HMGA2: variants seen among roughly 807,000 people sequenced by gnomAD.
HMGA2 encodes high mobility group protein HMGI-C.
HMGA2 carries 8 observed loss-of-function variants against 19.1 expected under a neutral mutation model. That is an observed-to-expected ratio of 0.42 (90% CI 0.25 to 0.76). The LOEUF is 0.76. Ranked by LOEUF, HMGA2 falls within the 30% of genes least tolerant of loss-of-function variation. The pLI is 0.28. For synonymous variants in HMGA2, 60 were observed against 48.8 expected, an observed-to-expected ratio of 1.23 and a Z score of -0.96; for missense variants, 109 against 136.3, an observed-to-expected ratio of 0.80 and a Z score of 1.00.
chr12:65,897,532 T>C (rs113059846), intron 3 of HMGA2, among the ~76,000 whole-genome samples: 88 of 152,288 alleles, frequency 5.8e-4, no homozygotes, highest in African/African-American at 1.7e-3. Flanking sequence ...TACTGGGGCT[T>C]AGGCAAAAGG....
At chr12:65,872,841 T>C (rs984270058) in intron 3 of HMGA2, among the ~76,000 whole-genome samples, 4 of 152,226 alleles carry the variant, frequency 2.6e-5, no homozygotes, top group Non-Finnish European at 5.9e-5. Context: ...CCCAAGGAAG[T>C]CTGAACTTCT....
At chr12:65,922,999 T>A (rs1456981806) in intron 3 of HMGA2, among the ~76,000 whole-genome samples, 1 of 152,160 alleles carries the variant, frequency 6.6e-6, no homozygotes, top group African/African-American at 2.4e-5. Context: ...TAAGTCCAAC[T>A]AAACATTTTT....
At position 65,948,746 on chromosome 12, in the gene HMGA2, G is replaced by A. The variant is rs769173506; in HGVS notation, c.250-2637G>A. 3.7e-4 allele frequency among the ~76,000 whole-genome samples: 56 copies of A among 152,264 alleles called. No homozygotes were observed. In the Middle Eastern group the frequency reaches 0.01, roughly 28 times the overall value. ...GTAGCTGGTAGAAGTTCCGTGACACGGACTAGGCCGGGAGCCAGGGCTGGC... is the reference window on the plus strand; with the variant it reads ...GTAGCTGGTAGAAGTTCCGTGACACAGACTAGGCCGGGAGCCAGGGCTGGC... On this transcript the variant is annotated intron_variant, in intron 3 of 4. Coordinates refer to ENST00000403681, the MANE Select transcript of HMGA2 (RefSeq NM_003483.6).
chr12:65,952,659 C>T (rs1876497034), intron 4 of HMGA2: 1 of 436,646 alleles, frequency 2.3e-6, no homozygotes, highest in Admixed American at 4.2e-5. Flanking sequence ...AAAAACTTGA[C>T]ATTTTCATTA....
At chr12:65,961,660 C>T (rs954055112) in intron 4 of HMGA2, among the ~76,000 whole-genome samples, 4 of 151,982 alleles carry the variant, frequency 2.6e-5, no homozygotes, top group Admixed American at 6.6e-5. Context: ...GCTCAGTCTT[C>T]GGGGGGAAAG....
chr12:65,906,212 G>A (rs1193371002), intron 3 of HMGA2, among the ~76,000 whole-genome samples: 2 of 152,156 alleles, frequency 1.3e-5, no homozygotes, highest in East Asian at 3.8e-4. Context: ...ACATCAGCCT[G>A]CAGCTAAACT....
chr12:65,964,151 T>C lies in HMGA2; in HGVS notation c.*859T>C, dbSNP rs1178386942. The stretch of plus-strand genomic sequence containing the variant: ...TCAGCCTCAGAGCATTTAAGGAAAC[T>C]AGACAAGTAAAATTATCCTCTTTGT... On this transcript the variant is annotated 3_prime_UTR_variant, in exon 5 of 5. Coordinates refer to ENST00000403681, the MANE Select transcript of HMGA2 (RefSeq NM_003483.6). The C allele has an allele frequency of 9.8e-6, 2 of 204,336 alleles. No homozygotes were observed. Among genetic ancestry groups the C allele is most frequent in the Non-Finnish European group, 2.0e-5 (2 of 100,050 alleles). 12.7% of individuals were successfully genotyped at this position (204,336 alleles called of 1,614,324 possible).
intron 3 of HMGA2, among the ~76,000 whole-genome samples, chr12:65,864,437 A>G (rs775700534): frequency 6.6e-6 from 1 of 152,204 alleles, no homozygotes; most frequent in Non-Finnish European, 1.5e-5. Context: ...GAGCATTAGG[A>G]AAATAATAGT....
intron 3 of HMGA2, among the ~76,000 whole-genome samples, chr12:65,890,780 A>G (rs903038095): frequency 3.3e-5 from 5 of 150,356 alleles, no homozygotes; most frequent in African/African-American, 1.2e-4. Flanking sequence ...GCTGAAGTGC[A>G]GGGGCGCGAT....
At position 65,824,727 on chromosome 12, in the gene HMGA2, C is replaced by CTCTCTCTG. The variant is rs1565697508; in HGVS notation, c.-537_-536insGTCTCTCT. 1.2e-5 allele frequency: 2 copies of CTCTCTCTG among 172,288 alleles called. No homozygotes were observed. Among genetic ancestry groups the CTCTCTCTG allele is most frequent in the African/African-American group, 6.9e-5 (2 of 29,148 alleles). 10.7% of individuals were successfully genotyped at this position (172,288 alleles called of 1,614,324 possible). ...ATCTCAATCTCTTCTCTCTCTCTCT[C>CTCTCTCTG]TCTCTCTCTCTCTCTCTCTCTCTCT... is the stretch of plus-strand genomic sequence containing the variant. On this transcript the variant is annotated 5_prime_UTR_variant, in exon 1 of 5. Transcript: ENST00000403681.
At chr12:65,827,567 T>A (rs1175148507) in intron 1 of HMGA2, among the ~76,000 whole-genome samples, 3 of 152,220 alleles carry the variant, frequency 2.0e-5, no homozygotes, top group African/African-American at 7.2e-5. Flanking sequence ...ATATGGAAGA[T>A]TGTTGAAATA....
At chr12:65,888,887 A>G (rs1425133226) in intron 3 of HMGA2, among the ~76,000 whole-genome samples, 1 of 151,832 alleles carries the variant, frequency 6.6e-6, no homozygotes, top group Non-Finnish European at 1.5e-5. Flanking sequence ...CTCTTATGAC[A>G]ATGATGACAT....
chr12:65,881,900 G>A (rs1238445174), intron 3 of HMGA2: 17 of 702,260 alleles, frequency 2.4e-5, no homozygotes, highest in East Asian at 1.1e-4. Flanking sequence ...GGTAGGTCCC[G>A]GAGTATGTTT....
chr12:65,942,432 T>C (rs1876120453), intron 3 of HMGA2, among the ~76,000 whole-genome samples: 2 of 152,184 alleles, frequency 1.3e-5, no homozygotes, highest in African/African-American at 2.4e-5. Flanking sequence ...TGTGTATACA[T>C]ATATATGTAT....
intron 3 of HMGA2, among the ~76,000 whole-genome samples, chr12:65,946,088 T>C (rs1196955126): frequency 1.3e-5 from 2 of 152,202 alleles, no homozygotes; most frequent in East Asian, 3.8e-4. Flanking sequence ...TTGTGAGGTG[T>C]GAAAGGCCCC....
At chr12:65,861,649 A>G (rs1391336592) in intron 3 of HMGA2, among the ~76,000 whole-genome samples, 2 of 150,278 alleles carry the variant, frequency 1.3e-5, no homozygotes, top group Non-Finnish European at 3.0e-5. Context: ...AAACCTAGAT[A>G]CTATATATAT....
chr12:65,904,617 T>C (rs1874508508), intron 3 of HMGA2, among the ~76,000 whole-genome samples: 1 of 152,236 alleles, frequency 6.6e-6, no homozygotes, highest in South Asian at 2.1e-4. Context: ...ATGTGTTTAT[T>C]AATTGATTCA....
chr12:65,932,056 TAAG>T (rs946312811), intron 3 of HMGA2, among the ~76,000 whole-genome samples: 6 of 152,210 alleles, frequency 3.9e-5, no homozygotes, highest in African/African-American at 1.4e-4. Context: ...ATTTTCATTC[TAAG>T]AAGTATAAAA....
chr12:65,888,463 AAAG>A (rs1213911495), intron 3 of HMGA2, among the ~76,000 whole-genome samples: 2 of 150,988 alleles, frequency 1.3e-5, no homozygotes, highest in Non-Finnish European at 2.9e-5. Context: ...CCCCCCAAAA[AAAG>A]AAAGAAAAGA....
Sources: gnomAD v4.1 joint callset for allele counts (sites outside exome capture counted in the v4.1 genomes callset) on GRCh38, gnomAD v4.1.1 for gene constraint, MANE v1.5 for transcripts, NCBI Gene and HGNC (gene_info 2026-07-23, HGNC 2026-07-21) for gene names.